Variants in GALNT17 observed in about 807,000 individuals in gnomAD.
GALNT17 encodes polypeptide N-acetylgalactosaminyltransferase 17.
A neutral mutation model predicts 63.7 loss-of-function variants in GALNT17; 29 were observed. The ratio of observed to expected loss-of-function variants is 0.46; its 90% CI spans 0.34 to 0.62. The LOEUF is 0.62. Ranked by LOEUF, GALNT17 falls within the 20% of genes least tolerant of loss-of-function variation. The pLI is 0.01. For missense variants in GALNT17, 603 were observed against 799.6 expected (o/e 0.75, Z 2.97); for synonymous variants, 305 against 318.3 (o/e 0.96, Z 0.45).
At position 71,388,390 on chromosome 7, in the gene GALNT17, A is replaced by G. The variant is rs747759010; in HGVS notation, c.578A>G (p.Asn193Ser). 9.9e-6 allele frequency: 16 copies of G among 1,613,974 alleles called. No homozygotes were observed. The highest frequency in any genetic ancestry group is 4.5e-5 in the East Asian group (2 of 44,864). Residue 193 changes from asparagine (N) to serine (S), a missense_variant, in exon 3 of 11, where the codon AAC becomes AGC. Transcript: ENST00000333538. ...LLKEIILVDD[N>S]SDEEELKVPL... is the part of the protein sequence containing the mutation. The stretch of plus-strand genomic sequence containing the variant: ...AAGGAAATCATTCTGGTGGATGACA[A>G]CAGCGACGAAGGTACAGGGGTGGCT...
chr7:71,584,143 A>C (rs1789681029), intron 6 of GALNT17, among the ~76,000 whole-genome samples: 1 of 151,938 alleles, frequency 6.6e-6, no homozygotes, highest in African/African-American at 2.4e-5. Flanking sequence ...AAACAAACAA[A>C]CAAAAAAGGG....
rs1791807341 is a variant in GALNT17 at position 71,712,305 on chromosome 7, ACT to A, written c.*162_*163del. 1 of 857,728 alleles carries A rather than the reference ACT, an allele frequency of 1.2e-6. No homozygotes were observed. Among genetic ancestry groups the A allele is most frequent in the Non-Finnish European group, 1.7e-6 (1 of 589,246 alleles). The allele number at this position is 857,728 out of a possible 1,614,324, so 53.1% of individuals were successfully genotyped here. On this transcript the variant is annotated 3_prime_UTR_variant, in exon 11 of 11. Transcript: ENST00000333538. ...GGCAGCACAGGGACCCCGGATGAAGACTCTGTCCCCCCTCAGGCATTCAGCTG... is the reference window on the plus strand; with the variant it reads ...GGCAGCACAGGGACCCCGGATGAAGACTGTCCCCCCTCAGGCATTCAGCTG...
At chr7:71,213,721 T>C (rs1420749816) in intron 1 of GALNT17, among the ~76,000 whole-genome samples, 1 of 152,268 alleles carries the variant, frequency 6.6e-6, no homozygotes, top group African/African-American at 2.4e-5. Context: ...TTGGGTGTTA[T>C]ATTTGGATCA....
intron 9 of GALNT17, among the ~76,000 whole-genome samples, chr7:71,695,442 C>T (rs570384273): frequency 1.5e-3 from 232 of 152,294 alleles, no homozygotes; most frequent in African/African-American, 5.4e-3. Context: ...ATCCCAGCCC[C>T]CAGGAGCTGG....
At chr7:71,474,922 CAGG>C (rs1451383967) in intron 5 of GALNT17, among the ~76,000 whole-genome samples, 1 of 152,050 alleles carries the variant, frequency 6.6e-6, no homozygotes, top group African/African-American at 2.4e-5. Context: ...TTGACCCAGA[CAGG>C]AGATTAGAAG....
At chr7:71,576,939 A>G (rs1232221498) in intron 6 of GALNT17, among the ~76,000 whole-genome samples, 1 of 152,212 alleles carries the variant, frequency 6.6e-6, no homozygotes, top group African/African-American at 2.4e-5. Context: ...GCTATTCGCA[A>G]TGGCAAAGAC....
intron 6 of GALNT17, among the ~76,000 whole-genome samples, chr7:71,635,331 T>C (rs1790513805): frequency 6.6e-6 from 1 of 152,206 alleles, no homozygotes; most frequent in African/African-American, 2.4e-5. Context: ...AAATGTTTCT[T>C]ACTAGACTTA....
At chr7:71,711,078 C>T (rs2115569312) in intron 10 of GALNT17, 150 bp downstream of exon 10, 2 of 1,033,768 alleles carry the variant, frequency 1.9e-6, no homozygotes, top group Non-Finnish European at 2.7e-6. Flanking sequence ...GGACCCAAAG[C>T]ACTTCCTGGG....
At chr7:71,596,179 C>T (rs1288446013) in intron 6 of GALNT17, among the ~76,000 whole-genome samples, 1 of 152,138 alleles carries the variant, frequency 6.6e-6, no homozygotes, top group East Asian at 1.9e-4. Flanking sequence ...GCTGGGATTA[C>T]AGGTGCCCAC....
chr7:71,441,704 TCA>T (rs1787069651), intron 5 of GALNT17, among the ~76,000 whole-genome samples: 1 of 152,180 alleles, frequency 6.6e-6, no homozygotes, highest in Non-Finnish European at 1.5e-5. Flanking sequence ...TTCTCATTGG[TCA>T]ACTCCCACTT....
chr7:71,701,829 A>G (rs1372464535), intron 9 of GALNT17, among the ~76,000 whole-genome samples: 9 of 4,826 alleles, frequency 1.9e-3, no homozygotes, highest in South Asian at 0.015. Flanking sequence ...ATATATATAC[A>G]CATATATATA....
chr7:71,667,930 G>A (rs1479959465), intron 7 of GALNT17, among the ~76,000 whole-genome samples: 1 of 152,042 alleles, frequency 6.6e-6, no homozygotes, highest in Non-Finnish European at 1.5e-5. Flanking sequence ...CTCCTGAGTA[G>A]CTGGGACCAC....
chr7:71,343,171 G>A (rs1320274381), intron 2 of GALNT17, among the ~76,000 whole-genome samples: 1 of 152,204 alleles, frequency 6.6e-6, no homozygotes, highest in African/African-American at 2.4e-5. Context: ...GCCTGTAGAA[G>A]CAACTTTGCT....
chr7:71,146,666 G>C (rs1280613953), intron 1 of GALNT17, among the ~76,000 whole-genome samples: 1 of 152,116 alleles, frequency 6.6e-6, no homozygotes, highest in Non-Finnish European at 1.5e-5. Context: ...CACAGGGGCT[G>C]AAAGATCTTC....
Position 71,552,242 on chromosome 7 carries a change from G to GTT in GALNT17, c.963-19043_963-19042insTT, listed in dbSNP as rs1562687855. ...GTATTTTTAGTAGAGACGGGGTTTG[G>GTT]CCATGTTGGCCAGGCTGGTCTTGAA... On this transcript the variant is annotated intron_variant, in intron 5 of 10. Transcript: ENST00000333538. Among the ~76,000 whole-genome samples the GTT allele has an allele frequency of 4.0e-5, 6 of 151,724 alleles. No individual in the cohort carries two copies. The East Asian group carries it at 1.2e-3, about 30-fold the overall frequency.
intron 5 of GALNT17, among the ~76,000 whole-genome samples, chr7:71,497,750 A>C (rs1788119076): frequency 6.6e-6 from 1 of 151,672 alleles, no homozygotes; most frequent in Non-Finnish European, 1.5e-5. Context: ...ACTGCTGCCC[A>C]CTCCTGCTGT....
At chr7:71,361,489 C>T (rs1792400741) in intron 2 of GALNT17, among the ~76,000 whole-genome samples, 1 of 152,096 alleles carries the variant, frequency 6.6e-6, no homozygotes, top group South Asian at 2.1e-4. Context: ...ATCTTCAATT[C>T]AGTTCAACAA....
intron 5 of GALNT17, among the ~76,000 whole-genome samples, chr7:71,430,399 T>C (rs1191982767): frequency 6.6e-6 from 1 of 152,100 alleles, no homozygotes; most frequent in Non-Finnish European, 1.5e-5. Flanking sequence ...TCTGTACACT[T>C]CTCTCCAGCT....
At chr7:71,238,241 T>C (rs890177485) in intron 1 of GALNT17, among the ~76,000 whole-genome samples, 1 of 152,172 alleles carries the variant, frequency 6.6e-6, no homozygotes, top group African/African-American at 2.4e-5. Flanking sequence ...TACTTTCTTT[T>C]GCAGTATTTC....
Sources: gnomAD v4.1 joint callset for allele counts (sites outside exome capture counted in the v4.1 genomes callset) on GRCh38, gnomAD v4.1.1 for gene constraint, MANE v1.5 for transcripts, NCBI Gene and HGNC (gene_info 2026-07-23, HGNC 2026-07-21) for gene names.